THSD7B: variants seen among roughly 807,000 people sequenced by gnomAD.
THSD7B encodes thrombospondin type-1 domain-containing protein 7B.
THSD7B carries 138 observed loss-of-function variants against 213.6 expected under a neutral mutation model. The ratio of observed to expected loss-of-function variants is 0.65; its 90% CI spans 0.56 to 0.74. THSD7B has a LOEUF of 0.74. Ranked by LOEUF, THSD7B falls within the 30% of genes least tolerant of loss-of-function variation. THSD7B has a pLI of 0.00. For synonymous variants in THSD7B, 742 were observed against 687.0 expected, an observed-to-expected ratio of 1.08 and a Z score of -1.25; for missense variants, 1,931 against 1,991.5, an observed-to-expected ratio of 0.97 and a Z score of 0.58.
intron 15 of THSD7B, among the ~76,000 whole-genome samples, chr2:137,560,274 C>T (rs984366461): frequency 6.6e-6 from 1 of 152,042 alleles, no homozygotes; most frequent in African/African-American, 2.4e-5. Context: ...GTGTTTATTG[C>T]AGCACTACTC....
intron 15 of THSD7B, among the ~76,000 whole-genome samples, chr2:137,470,486 C>T (rs974407746): frequency 2.0e-5 from 3 of 152,116 alleles, no homozygotes; most frequent in Admixed American, 6.5e-5. Flanking sequence ...GTTGAAATAG[C>T]ATGTTCAAAA....
intron 12 of THSD7B, among the ~76,000 whole-genome samples, chr2:137,327,414 G>T (rs1340264834): frequency 6.6e-6 from 1 of 152,100 alleles, no homozygotes; most frequent in African/African-American, 2.4e-5. Flanking sequence ...ATTCAGTATT[G>T]TTTTATATGA....
chr2:137,581,359 G>A (rs370405030), intron 17 of THSD7B, among the ~76,000 whole-genome samples: 3 of 151,998 alleles, frequency 2.0e-5, no homozygotes, highest in South Asian at 2.1e-4. Flanking sequence ...AGGCCAAGGC[G>A]GGCAGATCAC....
At chr2:137,557,005 A>G (rs1193253023) in intron 15 of THSD7B, among the ~76,000 whole-genome samples, 2 of 152,234 alleles carry the variant, frequency 1.3e-5, no homozygotes, top group Admixed American at 6.5e-5. Context: ...TCCTAAATAT[A>G]TATGCACCCA....
At chr2:136,872,103 T>C (rs1683438849) in intron 1 of THSD7B, among the ~76,000 whole-genome samples, 1 of 152,214 alleles carries the variant, frequency 6.6e-6, no homozygotes, top group African/African-American at 2.4e-5. Context: ...ACATAGATAC[T>C]GTGGGACTTA....
intron 14 of THSD7B, among the ~76,000 whole-genome samples, chr2:137,412,603 A>AAAAAAAAG (rs1467189111): frequency 6.8e-6 from 1 of 146,406 alleles, no homozygotes; most frequent in Non-Finnish European, 1.5e-5. Flanking sequence ...GTCTCAAAAA[A>AAAAAAAAG]AAAAAAACAA....
intron 12 of THSD7B, among the ~76,000 whole-genome samples, chr2:137,382,508 A>G (rs1323596086): frequency 1.3e-5 from 2 of 152,178 alleles, no homozygotes; most frequent in African/African-American, 4.8e-5. Flanking sequence ...GATGGAAGGG[A>G]GCTGAGCACC....
chr2:137,339,251 C>A (rs373675887), intron 12 of THSD7B, among the ~76,000 whole-genome samples: 1 of 147,268 alleles, frequency 6.8e-6, no homozygotes, highest in Non-Finnish European at 1.5e-5. Flanking sequence ...TGTCAGATGG[C>A]GAGCATCCAG....
At chr2:136,899,603 A>C (rs1015748958) in intron 2 of THSD7B, among the ~76,000 whole-genome samples, 1 of 152,162 alleles carries the variant, frequency 6.6e-6, no homozygotes, top group Non-Finnish European at 1.5e-5. Context: ...AATCTTGTTC[A>C]TTGCATTTTA....
At chr2:136,951,617 T>C (rs1395839097) in intron 2 of THSD7B, among the ~76,000 whole-genome samples, 1 of 152,224 alleles carries the variant, frequency 6.6e-6, no homozygotes, top group Non-Finnish European at 1.5e-5. Flanking sequence ...TTCTGACTTC[T>C]GTCCTTCATC....
chr2:137,141,985 T>G (rs1459401428), intron 5 of THSD7B, among the ~76,000 whole-genome samples: 6 of 152,188 alleles, frequency 3.9e-5, no homozygotes, highest in Admixed American at 3.9e-4. Context: ...CACATATAGT[T>G]GTTTTTACAT....
At chr2:136,908,100 A>C (rs985015061) in intron 2 of THSD7B, among the ~76,000 whole-genome samples, 3 of 152,162 alleles carry the variant, frequency 2.0e-5, no homozygotes, top group Non-Finnish European at 4.4e-5. Context: ...TTTTTTTAAT[A>C]GTTTTAATGT....
In THSD7B at chr2:136,865,152, C is replaced by T. The variant is rs529036561; in HGVS notation, c.-35-16992C>T. On this transcript the variant is annotated intron_variant, in intron 1 of 27. Transcript: ENST00000409968. ...GGTTGCTCATGGATCACAGCCCTCTCCTTCCTAGAGAACTGCCCTTTGCCT... is the reference window on the plus strand; with the variant it reads ...GGTTGCTCATGGATCACAGCCCTCTTCTTCCTAGAGAACTGCCCTTTGCCT... 2.6e-5 allele frequency among the ~76,000 whole-genome samples: 4 copies of T among 152,322 alleles called. No individual in the cohort carries two copies. In the South Asian group the frequency reaches 8.3e-4, roughly 32 times the overall value.
chr2:137,149,811 G>A (rs747317786), intron 5 of THSD7B, among the ~76,000 whole-genome samples: 2 of 152,180 alleles, frequency 1.3e-5, no homozygotes, highest in Non-Finnish European at 1.5e-5. Context: ...TAACTAACTT[G>A]CTTTTGATTT....
chr2:137,138,056 T>C (rs890870603), intron 5 of THSD7B, among the ~76,000 whole-genome samples: 1 of 151,992 alleles, frequency 6.6e-6, no homozygotes, highest in Non-Finnish European at 1.5e-5. Context: ...CTGGTTAATT[T>C]TTTTAAAATA....
intron 15 of THSD7B, among the ~76,000 whole-genome samples, chr2:137,500,986 A>G (rs1679690400): frequency 6.6e-6 from 1 of 152,132 alleles, no homozygotes; most frequent in African/African-American, 2.4e-5. Context: ...AAAGATTTAT[A>G]GTTTTGTTAG....
At chr2:137,195,817 T>C (rs1197079069) in intron 7 of THSD7B, among the ~76,000 whole-genome samples, 1 of 152,116 alleles carries the variant, frequency 6.6e-6, no homozygotes, top group Admixed American at 6.5e-5. Context: ...TTGACACTAG[T>C]GGATGAAATT....
At chr2:136,982,741 T>C (rs1685604657) in intron 2 of THSD7B, among the ~76,000 whole-genome samples, 1 of 152,186 alleles carries the variant, frequency 6.6e-6, no homozygotes, top group Non-Finnish European at 1.5e-5. Flanking sequence ...AAGTACCTGC[T>C]TGGGCTGGAT....
intron 19 of THSD7B, among the ~76,000 whole-genome samples, chr2:137,620,123 G>T (rs183608472): frequency 6.6e-6 from 1 of 152,180 alleles, no homozygotes; most frequent in African/African-American, 2.4e-5. Flanking sequence ...TTGACCCATC[G>T]TTACGACCAT....
Sources: gnomAD v4.1 joint callset for allele counts (sites outside exome capture counted in the v4.1 genomes callset) on GRCh38, gnomAD v4.1.1 for gene constraint, MANE v1.5 for transcripts, NCBI Gene and HGNC (gene_info 2026-07-23, HGNC 2026-07-21) for gene names.